ZNF563: variants seen among roughly 807,000 people sequenced by gnomAD.
ZNF563 encodes zinc finger protein 563.
In ZNF563, 39 loss-of-function variants were observed where a neutral mutation model predicts 48.5. The ratio of observed to expected loss-of-function variants is 0.80; its 90% CI spans 0.62 to 1.05. ZNF563 has a LOEUF of 1.05. ZNF563 is among the 50% of genes least tolerant of loss of function. The pLI, the probability that ZNF563 is intolerant of heterozygous loss-of-function variation, is 0.00. For missense variants in ZNF563, 538 were observed against 597.0 expected (o/e 0.90, Z 1.03); for synonymous variants, 168 against 187.9 (o/e 0.89, Z 0.87).
chr19:12,329,123 A>T (rs1057244035), intron 1 of ZNF563, among the ~76,000 whole-genome samples: 2 of 152,338 alleles, frequency 1.3e-5, no homozygotes, highest in Middle Eastern at 3.4e-3. Flanking sequence ...TAAATCAAGC[A>T]GAGGAAAATA....
intron 2 of ZNF563, among the ~76,000 whole-genome samples, chr19:12,321,999 T>C (rs943111367): frequency 4.6e-5 from 7 of 152,208 alleles, no homozygotes; most frequent in African/African-American, 1.7e-4. Context: ...TAGTATGTAA[T>C]ACATGACTTA....
chr19:12,322,270 G>T (rs964376576), intron 2 of ZNF563, among the ~76,000 whole-genome samples: 1 of 152,074 alleles, frequency 6.6e-6, no homozygotes, highest in Non-Finnish European at 1.5e-5. Flanking sequence ...TGGTCAGGCT[G>T]GTCTCGAACT....
In ZNF563 at chr19:12,319,795, C is replaced by T; in HGVS notation, c.230G>A (p.Ser77Asn). 1 of 1,613,626 alleles carries T rather than the reference C, an allele frequency of 6.2e-7. No individual in the cohort carries two copies. The highest frequency in any genetic ancestry group is 8.5e-7 in the Non-Finnish European group (1 of 1,179,616). ...MVERFSESKD[S>N]SQCGETFSLI... ...GCTAAATGTTTCTCCACACTGACTA[C>T]TGTCTTTACTTTCACTGAATCTCTC... Residue 77 changes from serine (S) to asparagine (N), a missense_variant, in exon 4 of 4, where the codon AGT becomes AAT. Coordinates refer to ENST00000293725, the MANE Select transcript of ZNF563 (RefSeq NM_145276.3).
upstream of ZNF563, among the ~76,000 whole-genome samples, chr19:12,335,531 G>A (rs549030903): frequency 6.6e-6 from 1 of 152,260 alleles, no homozygotes; most frequent in African/African-American, 2.4e-5. Context: ...AATAGCTAAT[G>A]AGCTTAAAAA....
chr19:12,329,248 C>A (rs1355518709), intron 1 of ZNF563, among the ~76,000 whole-genome samples: 2 of 152,080 alleles, frequency 1.3e-5, no homozygotes, highest in Admixed American at 1.3e-4. Flanking sequence ...CCAAGGCAGG[C>A]GGATCACGAG....
Position 12,318,545 on chromosome 19 carries a change from T to G in ZNF563, c.*49A>C. ...TTTCTGTCCAGTGTAAGTTTATTCATGATATCAAAGGGAACTGGAAATATA... is the reference window on the plus strand; with the variant it reads ...TTTCTGTCCAGTGTAAGTTTATTCAGGATATCAAAGGGAACTGGAAATATA... On this transcript the variant is annotated 3_prime_UTR_variant, in exon 4 of 4. Coordinates refer to ENST00000293725, the MANE Select transcript of ZNF563 (RefSeq NM_145276.3). 21 of 1,552,998 alleles carry G rather than the reference T, an allele frequency of 1.4e-5. No individual in the cohort carries two copies. The highest frequency in any genetic ancestry group is 1.7e-5 in the Non-Finnish European group (19 of 1,147,130).
the ZNF563 span, among the ~76,000 whole-genome samples, chr19:12,341,749 C>T: frequency 6.6e-6 from 1 of 152,040 alleles, no homozygotes; most frequent in Non-Finnish European, 1.5e-5. Context: ...TGGAGAGTTC[C>T]ACAGTAAGAG....
At chr19:12,324,692 G>A (rs1393068628) in intron 1 of ZNF563, among the ~76,000 whole-genome samples, 1 of 142,452 alleles carries the variant, frequency 7.0e-6, no homozygotes, top group African/African-American at 2.6e-5. Flanking sequence ...ACTTCAGCCT[G>A]GTTGACAAGA....
chr19:12,337,722 A>C (rs1383213588), upstream of ZNF563, among the ~76,000 whole-genome samples: 2 of 152,186 alleles, frequency 1.3e-5, no homozygotes, highest in Admixed American at 1.3e-4. Context: ...AAAATTCTAC[A>C]AATAAAAACA....
At chr19:12,345,293 A>T in the ZNF563 span, among the ~76,000 whole-genome samples, 1 of 152,224 alleles carries the variant, frequency 6.6e-6, no homozygotes, top group African/African-American at 2.4e-5. Context: ...CTTGAAAAAG[A>T]ACAATGTTGA....
Position 12,319,269 on chromosome 19 carries a change from C to A in ZNF563, c.756G>T (p.Pro252=), listed in dbSNP as rs187827621. The change falls in exon 4 of 4, where the codon CCG becomes CCT. Residue 252 remains proline, a synonymous_variant. Coordinates refer to ENST00000293725, the MANE Select transcript of ZNF563 (RefSeq NM_145276.3). ...CTTTAGAACACTGCTTACATTCATACGGTTTCTCCCCAGTGTGCATTCTCT... is the reference window on the plus strand; with the variant it reads ...CTTTAGAACACTGCTTACATTCATAAGGTTTCTCCCCAGTGTGCATTCTCT... The part of the protein sequence containing the change: ...RHERMHTGEK[P]YECKQCSKAL... 6.2e-7 allele frequency: 1 copy of A among 1,613,510 alleles called. No homozygotes were observed. The highest frequency in any genetic ancestry group is 8.5e-7 in the Non-Finnish European group (1 of 1,179,894).
chr19:12,331,285 G>A (rs1044840191), intron 1 of ZNF563, among the ~76,000 whole-genome samples: 3 of 152,160 alleles, frequency 2.0e-5, no homozygotes, highest in Non-Finnish European at 4.4e-5. Context: ...TCTCATTCAA[G>A]GGTCAGGTCA....
chr19:12,327,719 G>A (rs1051800910), intron 1 of ZNF563, among the ~76,000 whole-genome samples: 1 of 152,020 alleles, frequency 6.6e-6, no homozygotes, highest in Non-Finnish European at 1.5e-5. Context: ...AGAAATATAT[G>A]CCATTCTAGC....
chr19:12,334,865 T>G (rs1388380474), upstream of ZNF563, among the ~76,000 whole-genome samples: 1 of 83,632 alleles, frequency 1.2e-5, no homozygotes, highest in African/African-American at 5.2e-5. Flanking sequence ...TGAGACCTGG[T>G]CTCAAAAAAA....
At position 12,319,771 on chromosome 19, in the gene ZNF563, C is replaced by T; in HGVS notation, c.254G>A (p.Ser85Asn). 3 of 1,614,146 alleles carry T rather than the reference C, an allele frequency of 1.9e-6. No homozygotes were observed. Among genetic ancestry groups the T allele is most frequent in the South Asian group, 1.1e-5 (1 of 91,074 alleles). ...GTTCACAATACTATCTCGAATGAGGCTAAATGTTTCTCCACACTGACTACT... is the reference window on the plus strand; with the variant it reads ...GTTCACAATACTATCTCGAATGAGGTTAAATGTTTCTCCACACTGACTACT... The part of the protein sequence containing the change: ...KDSSQCGETF[S>N]LIRDSIVNNS... The change falls in exon 4 of 4, where the codon AGC becomes AAC. Residue 85 changes from serine to asparagine, a missense_variant. Physicochemically the swap from Ser to Asn is conservative, Grantham distance 46. Transcript: ENST00000293725.
At chr19:12,325,350 C>T (rs1288190282) in intron 1 of ZNF563, among the ~76,000 whole-genome samples, 1 of 151,888 alleles carries the variant, frequency 6.6e-6, no homozygotes, top group Non-Finnish European at 1.5e-5. Context: ...CTTGGTGGCG[C>T]ATGCCTGTAA....
At chr19:12,335,268 G>C (rs1465624636), upstream of ZNF563, among the ~76,000 whole-genome samples, 1 of 152,202 alleles carries the variant, frequency 6.6e-6, no homozygotes, top group Non-Finnish European at 1.5e-5. Context: ...TCCAAGGCTA[G>C]CCTTAGAAAC....
At chr19:12,327,202 C>T (rs1319788890) in intron 1 of ZNF563, among the ~76,000 whole-genome samples, 5 of 152,070 alleles carry the variant, frequency 3.3e-5, no homozygotes, top group African/African-American at 4.8e-5. Context: ...TGGCTCAAGC[C>T]TGTAATCCCA....
chr19:12,347,359 A>C, the ZNF563 span: 3 of 152,164 alleles, frequency 2.0e-5, no homozygotes, highest in South Asian at 4.1e-4. Context: ...TTTTCCTCCT[A>C]CTACTTCATT....
Sources: allele counts gnomAD v4.1 joint callset (sites outside exome capture counted in the v4.1 genomes callset), GRCh38; gene constraint gnomAD v4.1.1; transcripts MANE v1.5; gene names NCBI Gene and HGNC (gene_info 2026-07-23, HGNC 2026-07-21).